Variants in CSNK1G1 observed in about 807,000 individuals in gnomAD.
CSNK1G1 encodes the protein casein kinase I isoform gamma-1.
Under a neutral mutation model 59.6 loss-of-function variants are expected in CSNK1G1, and 22 were observed. That is an observed-to-expected ratio of 0.37 (90% CI 0.26 to 0.53). CSNK1G1 has a LOEUF of 0.53. Among genes scored for constraint, CSNK1G1 ranks in the 20% least tolerant of loss-of-function variants. CSNK1G1 has a pLI of 0.89. For missense variants in CSNK1G1, 384 were observed against 519.5 expected (o/e 0.74, Z 2.54); for synonymous variants, 179 against 177.1 (o/e 1.01, Z -0.08).
intron 1 of CSNK1G1, among the ~76,000 whole-genome samples, chr15:64,349,397 AAG>A (rs1898159770): frequency 6.6e-6 from 1 of 152,094 alleles, no homozygotes; most frequent in Non-Finnish European, 1.5e-5. Context: ...GGCAAAAACT[AAG>A]AGAATATCCC....
chr15:64,281,839 A>G (rs1229780560), intron 2 of CSNK1G1, among the ~76,000 whole-genome samples: 2 of 151,768 alleles, frequency 1.3e-5, no homozygotes, highest in African/African-American at 4.8e-5. Flanking sequence ...CTAGAGATGT[A>G]TTTCACAATA....
Position 64,171,399 on chromosome 15 carries a change from G to A in CSNK1G1, c.*532C>T, listed in dbSNP as rs2081662602. 6.3e-6 allele frequency: 1 copy of A among 158,606 alleles called. No individual in the cohort carries two copies. The highest frequency in any genetic ancestry group is 1.4e-5 in the Non-Finnish European group (1 of 71,636). 9.8% of individuals were successfully genotyped at this position (158,606 alleles called of 1,614,324 possible). A position where few individuals can be genotyped will look rare whatever the true frequency, so the allele number is the denominator to read the frequency against. Reference sequence around the variant, plus strand: ...CTGGGATGAATGCTGCACAGGCACAGAGGAAGAGGAAACCATACTGCCAGG... The same window carrying A: ...CTGGGATGAATGCTGCACAGGCACAAAGGAAGAGGAAACCATACTGCCAGG... On this transcript the variant is annotated 3_prime_UTR_variant, in exon 12 of 12. Transcript: ENST00000303052. This position sits in a 1 kb window ranked among gnomAD's most constrained non-coding sequence, Gnocchi z 4.8.
chr15:64,314,484 G>A (rs994291761), intron 1 of CSNK1G1, among the ~76,000 whole-genome samples: 1 of 149,986 alleles, frequency 6.7e-6, no homozygotes, highest in African/African-American at 2.5e-5. Flanking sequence ...TAACATTTTT[G>A]TGGTAAGAAT....
At chr15:64,342,758 A>G (rs1318925382) in intron 1 of CSNK1G1, 1 of 152,220 alleles carries the variant, frequency 6.6e-6, no homozygotes, top group Non-Finnish European at 1.5e-5. Context: ...CCTGCTTATG[A>G]GCACATCAAA....
intron 1 of CSNK1G1, among the ~76,000 whole-genome samples, chr15:64,325,846 CAGAGACAGAGACGGACAG>C (rs1159452882): frequency 2.0e-5 from 3 of 152,270 alleles, no homozygotes; most frequent in Non-Finnish European, 4.4e-5. Flanking sequence ...TAAGAAATGG[CAGAGACAGAGACGGACAG>C]AGAGACAGAG....
intron 1 of CSNK1G1, among the ~76,000 whole-genome samples, chr15:64,307,235 G>A (rs915744971): frequency 6.6e-6 from 1 of 152,028 alleles, no homozygotes; most frequent in Non-Finnish European, 1.5e-5. Flanking sequence ...AAACGGGGGT[G>A]GAGGAGTGTT....
chr15:64,315,374 A>G (rs1243719078), intron 1 of CSNK1G1, among the ~76,000 whole-genome samples: 1 of 152,224 alleles, frequency 6.6e-6, no homozygotes, highest in African/African-American at 2.4e-5. Flanking sequence ...TCCATTGTTC[A>G]GGATTTTATA....
intron 3 of CSNK1G1, among the ~76,000 whole-genome samples, chr15:64,252,563 G>T (rs991283806): frequency 6.6e-6 from 1 of 152,052 alleles, no homozygotes; most frequent in Non-Finnish European, 1.5e-5. Context: ...ATGTATTTAT[G>T]TATGTATGTA....
rs887758931 is a variant in CSNK1G1 at position 64,228,629 on chromosome 15, C to T, written c.293-11916G>A. 2.0e-5 allele frequency among the ~76,000 whole-genome samples: 3 copies of T among 151,932 alleles called. 1 individual carries two copies. Among genetic ancestry groups the T allele is most frequent in the Admixed American group, 2.0e-4 (3 of 15,268 alleles). On this transcript the variant is annotated intron_variant, in intron 4 of 11. Transcript: ENST00000303052. ...CCAGCCTGGCAACACAGCAAGACTC[C>T]GTCTCAAAAAAAGAAAAGAAAAAGA...
At position 64,325,181 on chromosome 15, in the gene CSNK1G1, T is replaced by C. The variant is rs1025501407; in HGVS notation, c.-224-24458A>G. Among the ~76,000 whole-genome samples, 12 of 152,326 alleles carry C rather than the reference T, an allele frequency of 7.9e-5. No individual in the cohort carries two copies. The East Asian group carries it at 2.3e-3, about 29-fold the overall frequency. ...CTACAGCTACACAGTAATAGAAGTATATTTTAAGGAGAATGGAGCAACACA... is the reference window on the plus strand; with the variant it reads ...CTACAGCTACACAGTAATAGAAGTACATTTTAAGGAGAATGGAGCAACACA... On this transcript the variant is annotated intron_variant, in intron 1 of 11. Transcript: ENST00000303052.
At chr15:64,344,986 C>T (rs147174998) in intron 1 of CSNK1G1, among the ~76,000 whole-genome samples, 26 of 152,300 alleles carry the variant, frequency 1.7e-4, no homozygotes, top group Non-Finnish European at 2.2e-4. Context: ...TGCTTTCACA[C>T]AGACAGTTCC....
At chr15:64,313,019 T>C (rs1227529053) in intron 1 of CSNK1G1, among the ~76,000 whole-genome samples, 1 of 152,134 alleles carries the variant, frequency 6.6e-6, no homozygotes, top group Non-Finnish European at 1.5e-5. Context: ...ATCATCACTG[T>C]CATTAGAGAA....
At chr15:64,352,291 G>A (rs1010398072) in intron 1 of CSNK1G1, among the ~76,000 whole-genome samples, 5 of 151,520 alleles carry the variant, frequency 3.3e-5, no homozygotes, top group African/African-American at 7.3e-5. Context: ...GGGTGACAGA[G>A]CAAGACTCCA....
chr15:64,244,029 T>C (rs948623485), intron 4 of CSNK1G1, among the ~76,000 whole-genome samples: 1 of 151,036 alleles, frequency 6.6e-6, no homozygotes, highest in Non-Finnish European at 1.5e-5. Context: ...ACTAGCTGGG[T>C]GTGGTGGTGG....
At chr15:64,189,474 T>C in intron 10 of CSNK1G1, 1 of 1,251,902 alleles carries the variant, frequency 8.0e-7, no homozygotes, top group Non-Finnish European at 1.0e-6. Context: ...GTAACAGTCC[T>C]AAGGCTCTAC....
intron 3 of CSNK1G1, 35 bp downstream of exon 3, chr15:64,259,166 C>T: frequency 1.3e-6 from 2 of 1,545,202 alleles, no homozygotes; most frequent in Non-Finnish European, 1.8e-6. Flanking sequence ...ATGGGAGCAC[C>T]AAAACATTAA....
intron 1 of CSNK1G1, among the ~76,000 whole-genome samples, chr15:64,303,297 AT>A (rs1895466145): frequency 3.0e-5 from 1 of 33,278 alleles, no homozygotes; most frequent in Admixed American, 5.7e-4. Context: ...TAAAAATTAA[AT>A]TAAAAAAAAA....
intron 1 of CSNK1G1, among the ~76,000 whole-genome samples, chr15:64,351,420 G>A (rs1478725381): frequency 6.6e-6 from 1 of 152,142 alleles, no homozygotes; most frequent in Non-Finnish European, 1.5e-5. Context: ...TAGATTTCCT[G>A]ACAAGCAAAT....
chr15:64,166,675 A>T lies in CSNK1G1; in HGVS notation c.*5256T>A, dbSNP rs185968163. The T allele has an allele frequency of 1.3e-3, 202 of 152,796 alleles. 2 individuals carry two copies. Among genetic ancestry groups the T allele is most frequent in the Non-Finnish European group, 2.8e-4 (19 of 68,054 alleles). The allele number at this position is 152,796 out of a possible 1,614,324, so 9.5% of individuals were successfully genotyped here. ...AATAGACTGATAAGCCTTCTAAAAAAGGCTTTTGGTGCAAGGGCTGGCCTG... is the reference window on the plus strand; with the variant it reads ...AATAGACTGATAAGCCTTCTAAAAATGGCTTTTGGTGCAAGGGCTGGCCTG... On this transcript the variant is annotated 3_prime_UTR_variant, in exon 12 of 12. Transcript: ENST00000303052. The surrounding 1 kb of genome is among the most constrained non-coding windows in gnomAD (Gnocchi z 4.5).
Sources: allele counts gnomAD v4.1 joint callset (sites outside exome capture counted in the v4.1 genomes callset), GRCh38; gene constraint gnomAD v4.1.1; non-coding constraint Gnocchi (gnomAD v3.1); transcripts MANE v1.5; gene names NCBI Gene and HGNC (gene_info 2026-07-23, HGNC 2026-07-21).